The following DPY19L2 variants were observed in gnomAD, a reference collection of about 807,000 sequenced individuals.
DPY19L2 encodes dpy-19 like 2.
Under a neutral mutation model 97.9 loss-of-function variants are expected in DPY19L2, and 34 were observed. The ratio of observed to expected loss-of-function variants is 0.35; its 90% CI spans 0.26 to 0.46. The LOEUF (loss-of-function observed/expected upper bound fraction) is 0.46. Ranked by LOEUF, DPY19L2 falls within the 20% of genes least tolerant of loss-of-function variation. The probability of loss-of-function intolerance (pLI) is 1.00; values close to 1 mark genes in which losing one functional copy is unlikely to be tolerated. For missense variants in DPY19L2, 623 were observed against 911.4 expected (o/e 0.68, Z 4.07); for synonymous variants, 230 against 307.9 (o/e 0.75, Z 2.65).
intron 6 of DPY19L2, among the ~76,000 whole-genome samples, chr12:63,641,956 G>A (rs1455957100): frequency 6.6e-6 from 1 of 152,152 alleles, no homozygotes; most frequent in Non-Finnish European, 1.5e-5. Context: ...TCTATTAGAT[G>A]TGAGTTGGTA....
At chr12:63,574,567 C>T (rs1879471155) in intron 19 of DPY19L2, among the ~76,000 whole-genome samples, 1 of 151,844 alleles carries the variant, frequency 6.6e-6, no homozygotes, top group Admixed American at 6.6e-5. Flanking sequence ...AAGAAACACA[C>T]TTTACTTATA....
chr12:63,645,556 T>C (rs996664553), intron 5 of DPY19L2, among the ~76,000 whole-genome samples: 29 of 152,218 alleles, frequency 1.9e-4, no homozygotes, highest in African/African-American at 6.7e-4. Context: ...TACCTCAAAT[T>C]CATGCATACA....
intron 16 of DPY19L2, among the ~76,000 whole-genome samples, chr12:63,592,161 G>T (rs1397113314): frequency 7.0e-6 from 1 of 142,620 alleles, no homozygotes; most frequent in Non-Finnish European, 1.5e-5. Context: ...AAGGAAGGAA[G>T]GCAGGAAAGA....
intron 6 of DPY19L2, among the ~76,000 whole-genome samples, chr12:63,643,576 A>G (rs1373950756): frequency 1.3e-5 from 2 of 152,198 alleles, no homozygotes; most frequent in Admixed American, 1.3e-4. Context: ...GGCTTACACA[A>G]TATGGATGTT....
chr12:63,656,715 T>C (rs1269009758), intron 4 of DPY19L2, among the ~76,000 whole-genome samples: 1 of 152,196 alleles, frequency 6.6e-6, no homozygotes, highest in Non-Finnish European at 1.5e-5. Context: ...TCACAGCTCT[T>C]AGATGTTCTA....
chr12:63,653,044 C>T (rs1204947149), intron 4 of DPY19L2, among the ~76,000 whole-genome samples: 3 of 151,730 alleles, frequency 2.0e-5, no homozygotes, highest in African/African-American at 7.3e-5. Flanking sequence ...ATGGATGGCG[C>T]AAGAGGAGAA....
chr12:63,608,369 A>G (rs1006543405), intron 12 of DPY19L2, among the ~76,000 whole-genome samples: 16 of 152,204 alleles, frequency 1.1e-4, no homozygotes, highest in African/African-American at 3.9e-4. Flanking sequence ...GCAGAATGAA[A>G]CATAAAGGAA....
At chr12:63,644,290 A>G in intron 6 of DPY19L2, 113 bp downstream of exon 6, 5 of 1,390,902 alleles carry the variant, frequency 3.6e-6, no homozygotes, top group Non-Finnish European at 4.7e-6. Context: ...TAAATCCACA[A>G]ACTTTCCTGA....
chr12:63,626,408 T>A (rs1889540235), intron 7 of DPY19L2, 61 bp downstream of exon 7: 6 of 1,476,734 alleles, frequency 4.1e-6, no homozygotes, highest in Non-Finnish European at 5.4e-6. Context: ...TTGATGAGTA[T>A]ATTTCCTTGT....
At chr12:63,565,800 C>A (rs1210064632) in intron 21 of DPY19L2, among the ~76,000 whole-genome samples, 1 of 152,050 alleles carries the variant, frequency 6.6e-6, no homozygotes, top group East Asian at 1.9e-4. Context: ...TTTATAATTC[C>A]ATGTTAATCT....
intron 17 of DPY19L2, among the ~76,000 whole-genome samples, chr12:63,583,404 C>T (rs1215512703): frequency 6.6e-6 from 1 of 152,126 alleles, no homozygotes; most frequent in Admixed American, 6.6e-5. Flanking sequence ...AGGAACATGA[C>T]TTTAGTATCT....
chr12:63,624,046 A>G lies in DPY19L2; in HGVS notation c.947T>C (p.Ile316Thr). The part of the protein sequence containing the change: ...LVLQMCILTL[I>T]LRTSSNDRRP... ...TTTTATAAATCGAAGTTACCTGAGA[A>G]TCAAAGTTAAAATACACATCTGAAG... is the stretch of plus-strand genomic sequence containing the variant. Residue 316 changes from isoleucine to threonine, a missense_variant, in exon 8 of 22, where the codon ATT becomes ACT. Physicochemically the swap from Ile to Thr is moderately conservative, Grantham distance 89 (BLOSUM62 -1). This residue lies in a region of DPY19L2 where 67 missense variants were observed against 88.0 expected (regional missense o/e 0.76). Coordinates refer to ENST00000324472, the MANE Select transcript of DPY19L2 (RefSeq NM_173812.5). 6.2e-7 allele frequency: 1 copy of G among 1,608,098 alleles called. No individual in the cohort carries two copies. Among genetic ancestry groups the G allele is most frequent in the Non-Finnish European group, 8.5e-7 (1 of 1,176,480 alleles).
At chr12:63,601,702 G>T (rs1398172643) in intron 12 of DPY19L2, among the ~76,000 whole-genome samples, 1 of 152,028 alleles carries the variant, frequency 6.6e-6, no homozygotes, top group Non-Finnish European at 1.5e-5. Context: ...ATTGGTAAAT[G>T]GGAGTACAGA....
chr12:63,616,593 A>C (rs1887867704), intron 11 of DPY19L2, among the ~76,000 whole-genome samples: 1 of 152,146 alleles, frequency 6.6e-6, no homozygotes, highest in African/African-American at 2.4e-5. Flanking sequence ...CAGAAGTATA[A>C]CTACAATGTA....
intron 6 of DPY19L2, among the ~76,000 whole-genome samples, chr12:63,639,169 G>C (rs1892265938): frequency 2.0e-5 from 3 of 152,270 alleles, no homozygotes; most frequent in South Asian, 4.1e-4. Context: ...AGCTGAAACT[G>C]AATCCCTTTC....
At chr12:63,639,029 G>C (rs962897534) in intron 6 of DPY19L2, among the ~76,000 whole-genome samples, 1 of 152,076 alleles carries the variant, frequency 6.6e-6, no homozygotes, top group African/African-American at 2.4e-5. Flanking sequence ...GAACAGAACA[G>C]AGCCCTCAGA....
chr12:63,664,705 G>C (rs1316436638), intron 2 of DPY19L2, among the ~76,000 whole-genome samples: 1 of 152,172 alleles, frequency 6.6e-6, no homozygotes, highest in Non-Finnish European at 1.5e-5. Context: ...AACAAAATTA[G>C]CTATGGTCAA....
chr12:63,576,305 A>G (rs1407662648), intron 19 of DPY19L2, among the ~76,000 whole-genome samples: 1 of 152,004 alleles, frequency 6.6e-6, no homozygotes, highest in Non-Finnish European at 1.5e-5. Context: ...CAACATAAAG[A>G]AGCTATATAC....
intron 19 of DPY19L2, among the ~76,000 whole-genome samples, chr12:63,576,391 G>T (rs1334893889): frequency 6.6e-6 from 1 of 151,876 alleles, no homozygotes; most frequent in Non-Finnish European, 1.5e-5. Flanking sequence ...GACATGACAA[G>T]GATGCTCACT....
Sources: gnomAD v4.1 joint callset for allele counts (sites outside exome capture counted in the v4.1 genomes callset) on GRCh38, gnomAD v4.1.1 for gene constraint, gnomAD v4.1.1 regional missense constraint, MANE v1.5 for transcripts, NCBI Gene and HGNC (gene_info 2026-07-23, HGNC 2026-07-21) for gene names.